The following SENP2 variants were observed in gnomAD, a reference collection of about 807,000 sequenced individuals.
SENP2 encodes SUMO specific peptidase 2.
In SENP2, 16 loss-of-function variants were observed where a neutral mutation model predicts 86.3. That is an observed-to-expected ratio of 0.19 (90% confidence interval 0.13 to 0.28). The LOEUF (loss-of-function observed/expected upper bound fraction) is 0.28, where lower values mean the gene tolerates loss of function less well. Ranked by LOEUF, SENP2 falls within the 10% of genes least tolerant of loss-of-function variation. SENP2 has a pLI of 1.00. For synonymous variants in SENP2, 222 were observed against 238.7 expected (o/e 0.93, Z 0.64); for missense variants, 552 against 703.0 (o/e 0.79, Z 2.43).
At position 185,600,840 on chromosome 3, in the gene SENP2, T is replaced by G; in HGVS notation, c.434T>G (p.Val145Gly). The G allele has an allele frequency of 1.2e-6, 2 of 1,609,216 alleles. No individual in the cohort carries two copies. The highest frequency in any genetic ancestry group is 1.7e-6 in the Non-Finnish European group (2 of 1,175,714). The change falls in exon 5 of 17, where the codon GTC (valine) becomes GGC (glycine). Residue 145 changes from valine to glycine, a missense_variant. Val to Gly is a moderately radical substitution (Grantham distance 109, BLOSUM62 -3). Coordinates refer to ENST00000296257, the MANE Select transcript of SENP2 (RefSeq NM_021627.3). ...VTVTRDQPRR[V>G]LPSFGFTLNS... ...GTTACCCGAGATCAGCCACGCAGAG[T>G]CCTGCCTTCCTTTGGGTAAGTGTTA... is the stretch of plus-strand genomic sequence containing the variant.
intron 5 of SENP2, among the ~76,000 whole-genome samples, chr3:185,604,068 C>T (rs1252427419): frequency 1.3e-5 from 2 of 152,146 alleles, no homozygotes; most frequent in African/African-American, 2.4e-5. Flanking sequence ...TTGTAATGAG[C>T]TGAGATTGGG....
chr3:185,604,766 T>TC (rs1409067969), intron 5 of SENP2, among the ~76,000 whole-genome samples: 1 of 151,928 alleles, frequency 6.6e-6, no homozygotes, highest in East Asian at 1.9e-4. Flanking sequence ...TTCTTTTCTT[T>TC]TTTTTTTGAG....
rs140100389 is a variant in SENP2, at chr3:185,601,241, C to T, written c.449+386C>T. Among the ~76,000 whole-genome samples the T allele has an allele frequency of 4.5e-3, 681 of 151,950 alleles. 5 individuals carry two copies. Among genetic ancestry groups the T allele is most frequent in the African/African-American group, 0.015 (635 of 41,426 alleles). ...TGTATTTTTAGTAGATATGGGGTTT[C>T]GCTATGTTGGCCAGGCTGGTCTCGA... On this transcript the variant is annotated intron_variant, in intron 5 of 16. Coordinates refer to ENST00000296257, the MANE Select transcript of SENP2 (RefSeq NM_021627.3).
chr3:185,600,855 G>C lies in SENP2; in HGVS notation c.449G>C (p.Gly150Ala), dbSNP rs770440629. 1.3e-6 allele frequency: 2 copies of C among 1,599,610 alleles called. No individual in the cohort carries two copies. Among genetic ancestry groups the C allele is most frequent in the South Asian group, 1.1e-5 (1 of 90,434 alleles). Residue 150 changes from glycine to alanine, a missense_variant and splice_region_variant, in exon 5 of 17, where the codon GGT becomes GCT. Around this residue, in one of 2 missense-constraint regions of SENP2, gnomAD observed 383 missense variants for 427.3 expected, o/e 0.90. Transcript: ENST00000296257. ...DQPRRVLPSF[G>A]FTLNSEGCNR... ...CCACGCAGAGTCCTGCCTTCCTTTG[G>C]GTAAGTGTTAAATTCTTTCTGTAAA...
Position 185,612,590 on chromosome 3 carries a change from C to A in SENP2, c.818-17C>A, listed in dbSNP as rs1177685074. 3.2e-6 allele frequency: 5 copies of A among 1,587,220 alleles called. No homozygotes were observed. Among genetic ancestry groups the A allele is most frequent in the Non-Finnish European group, 4.3e-6 (5 of 1,157,146 alleles). On this transcript the variant is annotated splice_polypyrimidine_tract_variant and intron_variant, in intron 8 of 16. Coordinates refer to ENST00000296257, the MANE Select transcript of SENP2 (RefSeq NM_021627.3). Reference sequence around the variant, plus strand: ...CGATGAAGGAAACATTTAATCTTTTCTTTACCATCCTCACAGATAGACTTG... The same window carrying A: ...CGATGAAGGAAACATTTAATCTTTTATTTACCATCCTCACAGATAGACTTG...
At chr3:185,609,188 G>T in intron 6 of SENP2, 59 bp from the exon 7 acceptor site, 1 of 1,145,740 alleles carries the variant, frequency 8.7e-7, no homozygotes, top group Non-Finnish European at 1.3e-6. Flanking sequence ...TTTACATTTG[G>T]CCTTTTAATT....
intron 6 of SENP2, 74 bp downstream of exon 6, chr3:185,606,572 A>AGAGT: frequency 7.9e-7 from 1 of 1,268,964 alleles, no homozygotes; most frequent in South Asian, 1.6e-5. Context: ...AGAGACACTC[A>AGAGT]GAATGGTTCA....
intron 2 of SENP2, among the ~76,000 whole-genome samples, chr3:185,596,707 A>G (rs1722185496): frequency 6.6e-6 from 1 of 152,146 alleles, no homozygotes. Flanking sequence ...GGGCAACTAC[A>G]GTATATTGTT....
intron 15 of SENP2, among the ~76,000 whole-genome samples, chr3:185,625,421 C>G (rs1416888376): frequency 2.0e-5 from 3 of 152,080 alleles, no homozygotes; most frequent in Non-Finnish European, 4.4e-5. Context: ...ACTAGGCAAA[C>G]TTTAAAAATC....
intron 15 of SENP2, among the ~76,000 whole-genome samples, chr3:185,625,380 G>A (rs1257631100): frequency 6.6e-6 from 1 of 152,056 alleles, no homozygotes; most frequent in Non-Finnish European, 1.5e-5. Flanking sequence ...CAAAGTGCTG[G>A]GATTACAGGC....
At position 185,614,593 on chromosome 3, in the gene SENP2, A is replaced by G. The variant is rs764706457; in HGVS notation, c.963A>G (p.Leu321=). Residue 321 remains leucine (L), a synonymous_variant, in exon 11 of 17, where the codon CTA becomes CTG. Transcript: ENST00000296257. ...SRRGYQLEPD[L]SEEVSARLRL... is the part of the protein sequence containing the mutation. ...GGGGATACCAACTGGAGCCTGACCT[A>G]TCAGAAGAAGTGTCGGCCCGACTCC... is the stretch of plus-strand genomic sequence containing the variant. 7 of 1,614,058 alleles carry G rather than the reference A, an allele frequency of 4.3e-6. No individual in the cohort carries two copies. The South Asian group carries it at 5.5e-5, about 13-fold the overall frequency.
chr3:185,621,040 T>C (rs183755383), intron 13 of SENP2, among the ~76,000 whole-genome samples: 2 of 149,852 alleles, frequency 1.3e-5, no homozygotes, highest in East Asian at 4.0e-4. Context: ...GGCATGGTGG[T>C]GCACACCTGT....
chr3:185,622,369 ACTT>A (rs1261975482), intron 14 of SENP2, among the ~76,000 whole-genome samples: 1 of 152,212 alleles, frequency 6.6e-6, no homozygotes, highest in East Asian at 1.9e-4. Context: ...AAGCATACCT[ACTT>A]CTTAGCTAGG....
rs530825358 is a variant in SENP2 at position 185,628,587 on chromosome 3, A to G, written c.1708-1195A>G. Among the ~76,000 whole-genome samples the G allele has an allele frequency of 2.6e-5, 4 of 151,942 alleles. No homozygotes were observed. In the East Asian group the frequency reaches 7.7e-4, roughly 29 times the overall value. ...AATGGCGCAATCTCAGCTCACTGCA[A>G]CCTCCGCCTCCCGGGTTCAAGCAAG... On this transcript the variant is annotated intron_variant, in intron 16 of 16. Coordinates refer to ENST00000296257, the MANE Select transcript of SENP2 (RefSeq NM_021627.3).
chr3:185,590,885 A>G (rs1448768190), intron 2 of SENP2, among the ~76,000 whole-genome samples: 2 of 145,586 alleles, frequency 1.4e-5, no homozygotes, highest in African/African-American at 2.5e-5. Flanking sequence ...AAAAAAAAAA[A>G]AAAAAAGAAA....
chr3:185,590,991 G>A (rs1577715905), intron 2 of SENP2, among the ~76,000 whole-genome samples: 1 of 114,490 alleles, frequency 8.7e-6, no homozygotes, highest in African/African-American at 3.5e-5. Context: ...TGCAAGCTCT[G>A]CCTCCCAGGT....
chr3:185,592,104 G>A (rs1322719085), intron 2 of SENP2, among the ~76,000 whole-genome samples: 1 of 129,780 alleles, frequency 7.7e-6, no homozygotes. Flanking sequence ...AAGAGGCAAG[G>A]GTATCACTGT....
In SENP2 at chr3:185,633,118, C is replaced by T. The variant is rs1712564300; in HGVS notation, c.*3274C>T. 1 of 152,164 alleles carries T rather than the reference C, an allele frequency of 6.6e-6. No individual in the cohort carries two copies. The highest frequency in any genetic ancestry group is 6.6e-5 in the Admixed American group (1 of 15,258). The allele number at this position is 152,164 out of a possible 1,614,324, so 9.4% of individuals were successfully genotyped here. A position where few individuals can be genotyped will look rare whatever the true frequency, so the allele number is the denominator to read the frequency against. ...AAATCCTAAGCACAACTTCAGAAAACCATGTCTGATAGCGGATGTCTTCCT... is the reference window on the plus strand; with the variant it reads ...AAATCCTAAGCACAACTTCAGAAAATCATGTCTGATAGCGGATGTCTTCCT... On this transcript the variant is annotated 3_prime_UTR_variant, in exon 17 of 17. Transcript: ENST00000296257.
chr3:185,627,165 C>T (rs1215501690), intron 16 of SENP2, among the ~76,000 whole-genome samples: 1 of 151,644 alleles, frequency 6.6e-6, no homozygotes, highest in Non-Finnish European at 1.5e-5. Flanking sequence ...CTACTCCTGC[C>T]AGAATCAGGG....
Sources: allele counts gnomAD v4.1 joint callset (sites outside exome capture counted in the v4.1 genomes callset), GRCh38; gene constraint gnomAD v4.1.1; regional missense constraint gnomAD v4.1.1; transcripts MANE v1.5; gene names NCBI Gene and HGNC (gene_info 2026-07-23, HGNC 2026-07-21).